Variants in STK32B observed in about 807,000 individuals in gnomAD.
STK32B encodes the protein serine/threonine-protein kinase 32B.
Under a neutral mutation model 52.6 loss-of-function variants are expected in STK32B, and 43 were observed. The ratio of observed to expected loss-of-function variants is 0.82; its 90% CI spans 0.64 to 1.05. The LOEUF is 1.05. Ranked by LOEUF, STK32B falls within the 50% of genes least tolerant of loss-of-function variation. The pLI is 0.00. For synonymous variants in STK32B, 238 were observed against 204.3 expected (o/e 1.17, Z -1.41); for missense variants, 621 against 534.6 (o/e 1.16, Z -1.59).
chr4:5,159,882 A>G (rs1479329470), intron 2 of STK32B, among the ~76,000 whole-genome samples: 1 of 151,726 alleles, frequency 6.6e-6, no homozygotes, highest in Non-Finnish European at 1.5e-5. Context: ...TTTAGGATGA[A>G]CAGTCAGGCT....
At chr4:5,096,982 A>G (rs1713438593) in intron 1 of STK32B, among the ~76,000 whole-genome samples, 1 of 152,214 alleles carries the variant, frequency 6.6e-6, no homozygotes, top group South Asian at 2.1e-4. Context: ...CTTCCTCTAC[A>G]GAAGAGGAAA....
At chr4:5,331,459 T>C (rs1732245819) in intron 4 of STK32B, 66 bp downstream of exon 4, 1 of 1,524,768 alleles carries the variant, frequency 6.6e-7, no homozygotes, top group Non-Finnish European at 8.8e-7. Context: ...AGGAGCAGTC[T>C]GCAGTAGTGG....
intron 3 of STK32B, among the ~76,000 whole-genome samples, chr4:5,239,957 C>T (rs1724898818): frequency 6.6e-6 from 1 of 152,066 alleles, no homozygotes. Flanking sequence ...GTTAACTCAC[C>T]TGGCCAATCA....
chr4:5,462,220 A>G (rs770243041), intron 9 of STK32B, among the ~76,000 whole-genome samples: 5 of 149,522 alleles, frequency 3.3e-5, no homozygotes, highest in Non-Finnish European at 5.9e-5. Context: ...CTATATGTCT[A>G]TGTGTGCCTG....
intron 3 of STK32B, among the ~76,000 whole-genome samples, chr4:5,184,684 C>CAAAAAAAAAA (rs1553846538): frequency 2.8e-5 from 3 of 105,384 alleles, no homozygotes; most frequent in Non-Finnish European, 5.9e-5. Context: ...GAGACTGTCT[C>CAAAAAAAAAA]AAAAAAAAAA....
At chr4:5,276,126 TA>T (rs914476073) in intron 3 of STK32B, among the ~76,000 whole-genome samples, 1 of 152,030 alleles carries the variant, frequency 6.6e-6, no homozygotes, top group Admixed American at 6.5e-5. Flanking sequence ...CCATCTCTAC[TA>T]AAAACACAAA....
At chr4:5,138,669 T>C (rs967605712) in intron 1 of STK32B, among the ~76,000 whole-genome samples, 1 of 152,206 alleles carries the variant, frequency 6.6e-6, no homozygotes. Flanking sequence ...AAAAGTGAAC[T>C]TAATGAAATA....
chr4:5,168,573 G>T, intron 3 of STK32B, 123 bp downstream of exon 3: 1 of 1,195,740 alleles, frequency 8.4e-7, no homozygotes, highest in Non-Finnish European at 1.1e-6. Context: ...TCTGGGTTCA[G>T]TTATTCTTAA....
intron 3 of STK32B, among the ~76,000 whole-genome samples, chr4:5,235,015 G>A (rs1455099431): frequency 6.6e-6 from 1 of 152,202 alleles, no homozygotes; most frequent in Admixed American, 6.5e-5. Context: ...TTTTACATAT[G>A]ACAGTTGAGT....
At chr4:5,484,703 G>C (rs1719001254) in intron 11 of STK32B, among the ~76,000 whole-genome samples, 2 of 152,094 alleles carry the variant, frequency 1.3e-5, no homozygotes. Flanking sequence ...TTACAATTTG[G>C]CATGTTTTTG....
chr4:5,403,356 A>G (rs1432792744), intron 5 of STK32B, among the ~76,000 whole-genome samples: 1 of 152,168 alleles, frequency 6.6e-6, no homozygotes, highest in South Asian at 2.1e-4. Context: ...CCAGTCAATC[A>G]TAAGTCTGCT....
chr4:5,134,609 G>A (rs1185983632), intron 1 of STK32B, among the ~76,000 whole-genome samples: 4 of 152,200 alleles, frequency 2.6e-5, no homozygotes, highest in African/African-American at 9.7e-5. Context: ...GGATTTGGGG[G>A]TGACATTGTC....
In STK32B at chr4:5,287,134, ATTG is replaced by A. The variant is rs373129929; in HGVS notation, c.261-44082_261-44080del. Among the ~76,000 whole-genome samples, 164 of 152,124 alleles carry A rather than the reference ATTG, an allele frequency of 1.1e-3. 2 individuals carry two copies. In the Middle Eastern group the frequency reaches 0.014, roughly 13 times the overall value. On this transcript the variant is annotated intron_variant, in intron 3 of 11. Transcript: ENST00000282908. Reference sequence around the variant, plus strand: ...TGTTGGTTATATTCTAAGGAGTGAAATTGTTGGATCTCTGGGCATGTATATGTT... The same window carrying A: ...TGTTGGTTATATTCTAAGGAGTGAAATTGGATCTCTGGGCATGTATATGTT...
At chr4:5,430,469 C>T (rs1056179654) in intron 6 of STK32B, among the ~76,000 whole-genome samples, 1 of 152,222 alleles carries the variant, frequency 6.6e-6, no homozygotes, top group Non-Finnish European at 1.5e-5. Flanking sequence ...TTAACGCATG[C>T]TGTCCGCCTT....
intron 3 of STK32B, among the ~76,000 whole-genome samples, chr4:5,193,951 G>A (rs963110051): frequency 2.6e-5 from 4 of 152,316 alleles, no homozygotes; most frequent in African/African-American, 9.6e-5. Context: ...TTGGCAGGGC[G>A]TGCGTTCTCA....
At chr4:5,443,071 C>G (rs199697565) in intron 6 of STK32B, among the ~76,000 whole-genome samples, 12,707 of 149,670 alleles carry the variant, frequency 0.085, 837 homozygotes, top group East Asian at 0.38. Context: ...GTGAATCTGA[C>G]AATTATGTGT....
chr4:5,113,777 G>A (rs2108804326), intron 1 of STK32B, among the ~76,000 whole-genome samples: 1 of 152,216 alleles, frequency 6.6e-6, no homozygotes, highest in Admixed American at 6.5e-5. Context: ...CCAAGACTGG[G>A]CAATTTAAAA....
At chr4:5,385,592 A>G (rs890306704) in intron 4 of STK32B, among the ~76,000 whole-genome samples, 1 of 152,014 alleles carries the variant, frequency 6.6e-6, no homozygotes, top group African/African-American at 2.4e-5. Flanking sequence ...ATCACCTGGG[A>G]AATGAAATGA....
chr4:5,357,899 G>A (rs913455155), intron 4 of STK32B, among the ~76,000 whole-genome samples: 4 of 152,090 alleles, frequency 2.6e-5, no homozygotes, highest in Non-Finnish European at 5.9e-5. Flanking sequence ...GACTTAAGCA[G>A]TACTCTTTCA....
Sources: gnomAD v4.1 joint callset for allele counts (sites outside exome capture counted in the v4.1 genomes callset) on GRCh38, gnomAD v4.1.1 for gene constraint, MANE v1.5 for transcripts, NCBI Gene and HGNC (gene_info 2026-07-23, HGNC 2026-07-21) for gene names.